Variants in DAOA observed in about 807,000 individuals in gnomAD.
The protein encoded by DAOA is D-amino acid oxidase activator.
In DAOA, 15 loss-of-function variants were observed where a neutral mutation model predicts 16.4. The observed-to-expected ratio is 0.91, with a 90% CI of 0.61 to 1.41. The LOEUF is 1.41. DAOA is among the 40% of genes most tolerant of loss of function. The pLI is 0.00. For synonymous variants in DAOA, 75 were observed against 59.1 expected (o/e 1.27, Z -1.23); for missense variants, 230 against 176.8 (o/e 1.30, Z -1.71).
At chr13:105,473,141 C>T (rs1371521183) in intron 4 of DAOA, among the ~76,000 whole-genome samples, 5 of 146,012 alleles carry the variant, frequency 3.4e-5, no homozygotes, top group African/African-American at 1.2e-4. Flanking sequence ...GTAAATTTCA[C>T]ACTGCCTACG....
At chr13:105,478,030 C>T (rs6491961) in intron 4 of DAOA, among the ~76,000 whole-genome samples, 1 of 151,916 alleles carries the variant, frequency 6.6e-6, no homozygotes, top group South Asian at 2.1e-4. Flanking sequence ...TTATTTAACA[C>T]TCTGTAATGA....
At chr13:105,480,114 G>T (rs1391013795) in intron 4 of DAOA, among the ~76,000 whole-genome samples, 1 of 152,066 alleles carries the variant, frequency 6.6e-6, no homozygotes, top group Non-Finnish European at 1.5e-5. Flanking sequence ...TATCATTTTA[G>T]TACATAACAA....
At chr13:105,480,311 A>G (rs1414333429) in intron 4 of DAOA, among the ~76,000 whole-genome samples, 1 of 152,098 alleles carries the variant, frequency 6.6e-6, no homozygotes, top group Admixed American at 6.6e-5. Context: ...ACTAGCAGAT[A>G]CAATATTTTA....
chr13:105,476,657 C>T (rs117430942), intron 4 of DAOA, among the ~76,000 whole-genome samples: 2,435 of 152,046 alleles, frequency 0.016, 25 homozygotes, highest in Non-Finnish European at 0.024. Context: ...CATTCTAAAT[C>T]TGATGAATGG....
intron 3 of DAOA, among the ~76,000 whole-genome samples, chr13:105,472,268 T>C (rs1056267330): frequency 7.9e-5 from 12 of 152,188 alleles, no homozygotes; most frequent in Admixed American, 2.6e-4. Flanking sequence ...GATATTTTTG[T>C]TTTACTGTAA....
At chr13:105,479,917 G>A (rs1215319245) in intron 4 of DAOA, among the ~76,000 whole-genome samples, 2 of 152,098 alleles carry the variant, frequency 1.3e-5, no homozygotes, top group Admixed American at 1.3e-4. Flanking sequence ...ATTTTTCATT[G>A]CAATACAGTT....
chr13:105,490,161 C>T lies in DAOA; in HGVS notation c.*80C>T, dbSNP rs1878419087. 1.1e-5 allele frequency: 16 copies of T among 1,463,678 alleles called. No homozygotes were observed. The highest frequency in any genetic ancestry group is 1.4e-5 in the African/African-American group (1 of 70,480). The allele number at this position is 1,463,678 out of a possible 1,614,324, so 90.7% of individuals were successfully genotyped here. A position where few individuals can be genotyped will look rare whatever the true frequency, so the allele number is the denominator to read the frequency against. On this transcript the variant is annotated 3_prime_UTR_variant, in exon 5 of 6. Coordinates refer to ENST00000375936, the MANE Select transcript of DAOA (RefSeq NM_172370.5). Reference sequence around the variant, plus strand: ...AACATCTTCACTGGACTCTGACGGACTCTGTGTCTGGGACCCAGCTGATAA... The same window carrying T: ...AACATCTTCACTGGACTCTGACGGATTCTGTGTCTGGGACCCAGCTGATAA...
chr13:105,484,142 A>G (rs149070565), intron 4 of DAOA, among the ~76,000 whole-genome samples: 38 of 152,256 alleles, frequency 2.5e-4, no homozygotes, highest in Middle Eastern at 3.4e-3. Flanking sequence ...CTATTCTCCC[A>G]ACAAGTTTCC....
intron 4 of DAOA, among the ~76,000 whole-genome samples, chr13:105,479,498 A>G (rs1209361843): frequency 2.0e-5 from 3 of 152,204 alleles, no homozygotes; most frequent in Non-Finnish European, 2.9e-5. Flanking sequence ...CCCACTGGAC[A>G]GAGAATCTGT....
At chr13:105,490,818 T>A (rs1244000267) in intron 5 of DAOA, 94 bp from the exon 6 acceptor site, 1 of 152,080 alleles carries the variant, frequency 6.6e-6, no homozygotes, top group Non-Finnish European at 1.5e-5. Flanking sequence ...CCCATAAGTT[T>A]ATTTTAAAAT....
intron 2 of DAOA, 24 bp from the exon 3 acceptor site, chr13:105,467,029 A>G: frequency 6.2e-7 from 1 of 1,606,112 alleles, no homozygotes; most frequent in Non-Finnish European, 8.5e-7. Context: ...TCTGAACACG[A>G]CTGATATTTT....
In DAOA at chr13:105,467,146, G is replaced by A. The variant is rs1198388579; in HGVS notation, c.133+5G>A. 2 of 1,599,386 alleles carry A rather than the reference G, an allele frequency of 1.3e-6. No individual in the cohort carries two copies. Among genetic ancestry groups the A allele is most frequent in the Non-Finnish European group, 1.7e-6 (2 of 1,172,304 alleles). On this transcript the variant is annotated splice_donor_5th_base_variant and intron_variant, in intron 3 of 5. Transcript: ENST00000375936. ...AAAACTCTCTAAACTCTATTGGTAT[G>A]TTACTCTTTATCTTTATATGAATTT...
At chr13:105,489,313 C>A (rs1566385958) in intron 4 of DAOA, among the ~76,000 whole-genome samples, 2 of 152,120 alleles carry the variant, frequency 1.3e-5, no homozygotes, top group Non-Finnish European at 1.5e-5. Flanking sequence ...TGTGACCCTG[C>A]AAAAGATACT....
chr13:105,483,809 T>C (rs1207567505), intron 4 of DAOA, among the ~76,000 whole-genome samples: 4 of 152,140 alleles, frequency 2.6e-5, no homozygotes, highest in African/African-American at 9.6e-5. Flanking sequence ...ATTTTCTTAA[T>C]AATGATTTTT....
intron 4 of DAOA, among the ~76,000 whole-genome samples, chr13:105,480,316 A>G (rs1047923233): frequency 2.0e-5 from 3 of 151,924 alleles, no homozygotes; most frequent in Non-Finnish European, 2.9e-5. Flanking sequence ...CAGATACAAT[A>G]TTTTACCTTT....
chr13:105,474,384 G>A (rs1475291676), intron 4 of DAOA, among the ~76,000 whole-genome samples: 2 of 152,018 alleles, frequency 1.3e-5, no homozygotes, highest in Non-Finnish European at 2.9e-5. Flanking sequence ...GTGTGCGTGT[G>A]TATTTTAAGA....
chr13:105,477,053 C>G (rs1877389600), intron 4 of DAOA: 1 of 152,214 alleles, frequency 6.6e-6, no homozygotes, highest in Non-Finnish European at 1.5e-5. Flanking sequence ...TCTTCTCTTA[C>G]TTTCTCCTGT....
chr13:105,477,631 G>A (rs1199427419), intron 4 of DAOA, among the ~76,000 whole-genome samples: 1 of 152,196 alleles, frequency 6.6e-6, no homozygotes, highest in Non-Finnish European at 1.5e-5. Flanking sequence ...AGCTGAGGAG[G>A]GAGGATCCCT....
intron 2 of DAOA, among the ~76,000 whole-genome samples, 198 bp from the exon 3 acceptor site, chr13:105,466,855 T>TA (rs201063832): frequency 0.038 from 5,661 of 148,420 alleles, 135 homozygotes; most frequent in East Asian, 0.068. Flanking sequence ...GAGCAATTTA[T>TA]AAAAAAAAAA....
Sources: gnomAD v4.1 joint callset for allele counts (sites outside exome capture counted in the v4.1 genomes callset) on GRCh38, gnomAD v4.1.1 for gene constraint, MANE v1.5 for transcripts, NCBI Gene and HGNC (gene_info 2026-07-23, HGNC 2026-07-21) for gene names.